The following ST3GAL1 variants were observed in gnomAD, a reference collection of about 807,000 sequenced individuals.
ST3GAL1 encodes ST3 beta-galactoside alpha-2,3-sialyltransferase 1, also known as CMP-N-acetylneuraminate-beta-galactosamide-alpha-2,3-sialyltransferase 1.
Under a neutral mutation model 34.1 loss-of-function variants are expected in ST3GAL1, and 16 were observed. The ratio of observed to expected loss-of-function variants is 0.47; its 90% CI spans 0.32 to 0.71. The LOEUF (loss-of-function observed/expected upper bound fraction) is 0.71. Ranked by LOEUF, ST3GAL1 falls within the 30% of genes least tolerant of loss-of-function variation. ST3GAL1 has a pLI of 0.04. For missense variants in ST3GAL1, 353 were observed against 447.4 expected, an observed-to-expected ratio of 0.79 and a Z score of 1.90; for synonymous variants, 191 against 184.7, an observed-to-expected ratio of 1.03 and a Z score of -0.28.
chr8:133,503,498 T>A (rs1304851064), intron 2 of ST3GAL1, among the ~76,000 whole-genome samples: 2 of 149,186 alleles, frequency 1.3e-5, no homozygotes, highest in Admixed American at 6.7e-5. Context: ...TTGAAGGCCC[T>A]CCCTCCTTCC....
At chr8:133,506,716 C>T (rs187251672) in intron 2 of ST3GAL1, among the ~76,000 whole-genome samples, 47 of 151,604 alleles carry the variant, frequency 3.1e-4, no homozygotes, top group African/African-American at 1.1e-3. Flanking sequence ...ATCTGGGAGG[C>T]GGAGGTTGCA....
chr8:133,552,720 G>C (rs1046703087), intron 1 of ST3GAL1, among the ~76,000 whole-genome samples: 1 of 152,202 alleles, frequency 6.6e-6, no homozygotes. Flanking sequence ...TCTGAAATGG[G>C]CTCAACACAT....
intron 2 of ST3GAL1, among the ~76,000 whole-genome samples, chr8:133,512,706 A>C (rs1817529786): frequency 6.6e-6 from 1 of 152,104 alleles, no homozygotes; most frequent in Non-Finnish European, 1.5e-5. Context: ...GACCAACCAA[A>C]CTGAGGGTCG....
At chr8:133,551,564 AAGAAAG>A (rs1256413899) in intron 1 of ST3GAL1, among the ~76,000 whole-genome samples, 1 of 145,528 alleles carries the variant, frequency 6.9e-6, no homozygotes, top group Non-Finnish European at 1.5e-5. Flanking sequence ...GAAAGAAAGA[AAGAAAG>A]AAAGAAAGAA....
chr8:133,562,821 C>T (rs763919029), intron 1 of ST3GAL1, among the ~76,000 whole-genome samples: 2 of 109,806 alleles, frequency 1.8e-5, no homozygotes, highest in Non-Finnish European at 1.8e-5. Flanking sequence ...TTCCTTCCTT[C>T]CTTCCTTCCT....
In ST3GAL1 at chr8:133,467,826, A is replaced by G. The variant is rs553133082; in HGVS notation, c.307-1736T>C. On this transcript the variant is annotated intron_variant, in intron 5 of 9. Coordinates refer to ENST00000522652, the MANE Select transcript of ST3GAL1 (RefSeq NM_173344.3). This position sits in a 1 kb window ranked among gnomAD's most constrained non-coding sequence, Gnocchi z 4.2. ...AATCGGATGCCCCAAGGGGAGGCAC[A>G]CAAGCAGAACCAGATTGCTCTTCCA... Among the ~76,000 whole-genome samples, 168 of 152,270 alleles carry G rather than the reference A, an allele frequency of 1.1e-3. No individual in the cohort carries two copies. Among genetic ancestry groups the G allele is most frequent in the African/African-American group, 3.0e-3 (124 of 41,560 alleles).
intron 2 of ST3GAL1, among the ~76,000 whole-genome samples, chr8:133,541,112 T>TAGAG (rs1438213053): frequency 0.013 from 516 of 40,688 alleles, 38 homozygotes; most frequent in Middle Eastern, 0.067. Flanking sequence ...TATATATATA[T>TAGAG]ATATATATAG....
chr8:133,516,971 T>C (rs1288951022), intron 2 of ST3GAL1, among the ~76,000 whole-genome samples: 12 of 152,196 alleles, frequency 7.9e-5, no homozygotes, highest in Non-Finnish European at 1.8e-4. Context: ...AGGGTGAACA[T>C]ATTAGTTCAG....
chr8:133,480,745 G>A (rs2896713), intron 3 of ST3GAL1, among the ~76,000 whole-genome samples: 46,359 of 152,100 alleles, frequency 0.3, 7,262 homozygotes, highest in Admixed American at 0.35. Context: ...CTGTGTAGCC[G>A]TGGCTCATCA....
chr8:133,546,406 C>T (rs1288269035), intron 1 of ST3GAL1, among the ~76,000 whole-genome samples: 1 of 150,816 alleles, frequency 6.6e-6, no homozygotes, highest in East Asian at 2.0e-4. Context: ...TTGCTTGAAC[C>T]TGGGAGGTGA....
At chr8:133,553,563 T>C (rs1818921591) in intron 1 of ST3GAL1, among the ~76,000 whole-genome samples, 2 of 152,216 alleles carry the variant, frequency 1.3e-5, no homozygotes, top group South Asian at 4.1e-4. Context: ...GTCTCCTCTT[T>C]TGGTGATGGG....
At chr8:133,532,868 G>T (rs992448644) in intron 2 of ST3GAL1, among the ~76,000 whole-genome samples, 6 of 152,322 alleles carry the variant, frequency 3.9e-5, no homozygotes, top group Middle Eastern at 6.8e-3. Context: ...CAGCGTGGAG[G>T]GGGTGATAGT....
chr8:133,496,455 G>C (rs1156843016), intron 3 of ST3GAL1, among the ~76,000 whole-genome samples: 1 of 152,136 alleles, frequency 6.6e-6, no homozygotes, highest in Non-Finnish European at 1.5e-5. Flanking sequence ...AAATCAAAGG[G>C]GAGCTGACAG....
At chr8:133,491,732 G>A (rs528257777) in intron 3 of ST3GAL1, among the ~76,000 whole-genome samples, 1 of 152,300 alleles carries the variant, frequency 6.6e-6, no homozygotes, top group South Asian at 2.1e-4. Flanking sequence ...ACCCTCCAGG[G>A]TTCCGGGATG....
rs766994674 is a variant in ST3GAL1, at chr8:133,457,637, C to A, written c.*2127G>T. 2.6e-5 allele frequency: 4 copies of A among 152,260 alleles called. No homozygotes were observed. The highest frequency in any genetic ancestry group is 9.6e-5 in the African/African-American group (4 of 41,472). The allele number at this position is 152,260 out of a possible 1,614,324, so 9.4% of individuals were successfully genotyped here. ...TGAAACAGGTTTTCGGTTTGTTTAA[C>A]ACATTCCCCATTCTGAACCTTTGAG... On this transcript the variant is annotated 3_prime_UTR_variant, in exon 10 of 10. Coordinates refer to ENST00000522652, the MANE Select transcript of ST3GAL1 (RefSeq NM_173344.3).
At chr8:133,527,143 A>C (rs371899209) in intron 2 of ST3GAL1, among the ~76,000 whole-genome samples, 2 of 152,100 alleles carry the variant, frequency 1.3e-5, no homozygotes, top group African/African-American at 4.8e-5. Context: ...CAAAGGATAA[A>C]ATGAGAGGTT....
chr8:133,491,468 G>T (rs1002150467), intron 3 of ST3GAL1, among the ~76,000 whole-genome samples: 1 of 152,164 alleles, frequency 6.6e-6, no homozygotes, highest in Admixed American at 6.5e-5. Flanking sequence ...TCTGTCGCTG[G>T]TTCTAAAACC....
At chr8:133,528,144 C>T (rs1436206082) in intron 2 of ST3GAL1, among the ~76,000 whole-genome samples, 1 of 151,980 alleles carries the variant, frequency 6.6e-6, no homozygotes, top group African/African-American at 2.4e-5. Flanking sequence ...CACTGCACTC[C>T]AGCCTGGTGA....
At chr8:133,503,722 G>C (rs1016320208) in intron 2 of ST3GAL1, among the ~76,000 whole-genome samples, 3 of 152,178 alleles carry the variant, frequency 2.0e-5, no homozygotes, top group African/African-American at 7.2e-5. Context: ...TCCAGATGTA[G>C]TGAAAGCAGG....
Sources: allele counts gnomAD v4.1 joint callset (sites outside exome capture counted in the v4.1 genomes callset), GRCh38; gene constraint gnomAD v4.1.1; non-coding constraint Gnocchi (gnomAD v3.1); transcripts MANE v1.5; gene names NCBI Gene and HGNC (gene_info 2026-07-23, HGNC 2026-07-21).